NWD1: variants seen among roughly 807,000 people sequenced by gnomAD.
NWD1 encodes the protein NACHT and WD repeat domain containing 1.
A neutral mutation model predicts 135.1 loss-of-function variants in NWD1; 129 were observed. The ratio of observed to expected loss-of-function variants is 0.96; its 90% CI spans 0.83 to 1.11. NWD1 has a LOEUF of 1.11. Ranked by LOEUF, NWD1 falls within the 50% of genes least tolerant of loss-of-function variation. NWD1 has a pLI of 0.00. For synonymous variants in NWD1, 773 were observed against 786.0 expected (o/e 0.98, Z 0.28); for missense variants, 1,740 against 1,851.3 (o/e 0.94, Z 1.10).
intron 3 of NWD1, among the ~76,000 whole-genome samples, chr19:16,733,346 C>T (rs1967658340): frequency 6.6e-6 from 1 of 151,776 alleles, no homozygotes; most frequent in Non-Finnish European, 1.5e-5. Flanking sequence ...CATGGTGAAA[C>T]CCCCTCTCTA....
intron 5 of NWD1, among the ~76,000 whole-genome samples, chr19:16,748,585 G>T (rs545812237): frequency 8.5e-5 from 13 of 152,134 alleles, no homozygotes; most frequent in Non-Finnish European, 1.9e-4. Context: ...CCAGCACTTT[G>T]GGAGGCCGAG....
chr19:16,798,152 G>A (rs1024092805), intron 16 of NWD1, among the ~76,000 whole-genome samples: 1 of 152,118 alleles, frequency 6.6e-6, no homozygotes, highest in Non-Finnish European at 1.5e-5. Context: ...GAGTGGAGCA[G>A]GGTTGTGGGG....
intron 1 of NWD1, among the ~76,000 whole-genome samples, chr19:16,722,450 C>T (rs1483171996): frequency 6.6e-6 from 1 of 151,860 alleles, no homozygotes; most frequent in African/African-American, 2.4e-5. Context: ...CCATCACGCC[C>T]AGCTAATTTT....
At chr19:16,736,612 A>G (rs1386590735) in intron 3 of NWD1, 22 bp from the exon 4 acceptor site, 5 of 1,421,454 alleles carry the variant, frequency 3.5e-6, no homozygotes. Context: ...CTCTCTGACA[A>G]ACTTGTGTTT....
At chr19:16,747,881 TA>T (rs1968389921) in intron 5 of NWD1, among the ~76,000 whole-genome samples, 1 of 152,220 alleles carries the variant, frequency 6.6e-6, no homozygotes, top group South Asian at 2.1e-4. Context: ...ATCCACATTT[TA>T]ACACCTGTGA....
At chr19:16,812,691 C>A in intron 18 of NWD1, 1 of 779,118 alleles carries the variant, frequency 1.3e-6, no homozygotes, top group South Asian at 1.3e-5. Context: ...AACAAACAAA[C>A]AAACAAACAA....
chr19:16,774,327 TCCATCCATCCATCCATCCATCCTCCCAC>T (rs1228679777), intron 11 of NWD1, among the ~76,000 whole-genome samples: 1 of 106,814 alleles, frequency 9.4e-6, no homozygotes, highest in Non-Finnish European at 1.6e-5. Flanking sequence ...CACTTTCCTC[TCCATCCATCCATCCATCCATCCTCCCAC>T]CCATCCACCC....
chr19:16,783,738 TAAAC>T (rs1969943455), intron 12 of NWD1, among the ~76,000 whole-genome samples: 3 of 150,468 alleles, frequency 2.0e-5, no homozygotes, highest in African/African-American at 4.9e-5. Context: ...TTAAAACAAA[TAAAC>T]AAATAAATAC....
chr19:16,783,911 A>G (rs1969949411), intron 12 of NWD1, among the ~76,000 whole-genome samples: 1 of 152,128 alleles, frequency 6.6e-6, no homozygotes, highest in Non-Finnish European at 1.5e-5. Context: ...CCTAGAGATG[A>G]TTTAAAATAT....
chr19:16,771,733 G>A (rs1969419408), intron 10 of NWD1, among the ~76,000 whole-genome samples: 1 of 152,036 alleles, frequency 6.6e-6, no homozygotes, highest in Non-Finnish European at 1.5e-5. Flanking sequence ...ACCAGAGGGC[G>A]CTGCTGGACA....
chr19:16,754,141 C>G (rs1968688479), intron 6 of NWD1, among the ~76,000 whole-genome samples: 2 of 151,390 alleles, frequency 1.3e-5, no homozygotes, highest in Non-Finnish European at 2.9e-5. Context: ...GACCTTTCAT[C>G]CATCCGTCCA....
intron 17 of NWD1, 142 bp downstream of exon 17, chr19:16,800,304 C>T (rs752916673): frequency 1.0e-5 from 8 of 797,962 alleles, no homozygotes; most frequent in Non-Finnish European, 1.4e-5. Flanking sequence ...GAGGCCTTGG[C>T]GGGTGGATCA....
intron 2 of NWD1, among the ~76,000 whole-genome samples, chr19:16,726,667 A>G (rs964745442): frequency 1.3e-5 from 2 of 151,074 alleles, no homozygotes; most frequent in African/African-American, 4.9e-5. Context: ...TTGAACTCCT[A>G]ACCTCAAGTG....
intron 3 of NWD1, among the ~76,000 whole-genome samples, chr19:16,732,825 T>C (rs896687573): frequency 5.9e-5 from 9 of 152,020 alleles, no homozygotes; most frequent in African/African-American, 2.2e-4. Flanking sequence ...TGCCTGCACA[T>C]TTCCCTGTGG....
Position 16,791,444 on chromosome 19 carries a change from AG to A in NWD1, c.3037del (p.Ala1013ProfsTer4). 1 of 1,614,156 alleles carries A rather than the reference AG, an allele frequency of 6.2e-7. No homozygotes were observed. The highest frequency in any genetic ancestry group is 8.5e-7 in the Non-Finnish European group (1 of 1,180,006). On this transcript the variant is annotated frameshift_variant, in exon 14 of 19. Coordinates refer to ENST00000524140, the MANE Select transcript of NWD1 (RefSeq NM_001007525.5). LOFTEE classifies it high-confidence loss of function. The part of the protein sequence containing the change: ...PWMCMAVLAS[Q>X]ATLLTVSRDG... The stretch of plus-strand genomic sequence containing the variant: ...ATGTGCATGGCCGTGCTGGCCTCCC[AG>A]GCCACACTGCTGACAGTGTCCAGGG...
chr19:16,811,990 T>G (rs1397403705), intron 18 of NWD1, among the ~76,000 whole-genome samples: 3 of 152,084 alleles, frequency 2.0e-5, no homozygotes, highest in Admixed American at 1.3e-4. Flanking sequence ...CACCTCAGCC[T>G]CAGGAACAGA....
chr19:16,740,779 C>T (rs1433335725), intron 4 of NWD1, among the ~76,000 whole-genome samples: 2 of 151,410 alleles, frequency 1.3e-5, no homozygotes, highest in Non-Finnish European at 2.9e-5. Context: ...CCCAGGTTAA[C>T]TCTTTTGGAT....
In NWD1 at chr19:16,745,133, C is replaced by T. The variant is rs1968254615; in HGVS notation, c.496+415C>T. 3 of 457,058 alleles carry T rather than the reference C, an allele frequency of 6.6e-6. 1 individual carries two copies. Among genetic ancestry groups the T allele is most frequent in the South Asian group, 3.2e-5 (2 of 63,078 alleles). The allele number at this position is 457,058 out of a possible 1,614,324, so 28.3% of individuals were successfully genotyped here. On this transcript the variant is annotated intron_variant, in intron 5 of 18. Transcript: ENST00000524140. ...GCAAAGGAGAAGCAAAGAGGCACAT[C>T]TTACATGGTGGCAGGTAAGACAGAG...
intron 15 of NWD1, among the ~76,000 whole-genome samples, chr19:16,797,203 T>C (rs1599549090): frequency 6.7e-6 from 1 of 148,166 alleles, no homozygotes; most frequent in Non-Finnish European, 1.5e-5. Flanking sequence ...AATTGATGAG[T>C]GATTACAGAA....
Sources: gnomAD v4.1 joint callset for allele counts (sites outside exome capture counted in the v4.1 genomes callset) on GRCh38, gnomAD v4.1.1 for gene constraint, MANE v1.5 for transcripts, NCBI Gene and HGNC (gene_info 2026-07-23, HGNC 2026-07-21) for gene names.